The following PHF21B variants were observed in gnomAD, a reference collection of about 807,000 sequenced individuals.
PHF21B encodes the protein PHD finger protein 4.
PHF21B carries 22 observed loss-of-function variants against 62.2 expected under a neutral mutation model. That is an observed-to-expected ratio of 0.35 (90% CI 0.25 to 0.51). The LOEUF (loss-of-function observed/expected upper bound fraction) is 0.51. Among genes scored for constraint, PHF21B ranks in the 20% least tolerant of loss-of-function variants. The pLI is 0.97. For synonymous variants in PHF21B, 341 were observed against 314.7 expected, an observed-to-expected ratio of 1.08 and a Z score of -0.88; for missense variants, 701 against 707.9, an observed-to-expected ratio of 0.99 and a Z score of 0.11.
intron 2 of PHF21B, among the ~76,000 whole-genome samples, chr22:44,957,541 CCT>C (rs1247853800): frequency 1.3e-5 from 2 of 152,106 alleles, no homozygotes; most frequent in Non-Finnish European, 1.5e-5. Context: ...AATAGTCAGC[CCT>C]CTCTTTCTTC....
Position 45,007,098 on chromosome 22 carries a change from G to C in PHF21B, c.120+1447C>G, listed in dbSNP as rs1184665091. On this transcript the variant is annotated intron_variant, in intron 2 of 12. Coordinates refer to ENST00000313237, the MANE Select transcript of PHF21B (RefSeq NM_138415.5). ...CACTCCCGGACGGGGGCGCGCGGCC[G>C]GGGGCGGGGGGGCCGCGGCACCAAC... is the stretch of plus-strand genomic sequence containing the variant. Among the ~76,000 whole-genome samples the C allele has an allele frequency of 3.3e-5, 5 of 151,436 alleles. No homozygotes were observed. In the East Asian group the frequency reaches 9.8e-4, roughly 30 times the overall value.
At chr22:44,949,192 T>C (rs1287410567) in intron 2 of PHF21B, among the ~76,000 whole-genome samples, 1 of 151,424 alleles carries the variant, frequency 6.6e-6, no homozygotes, top group Non-Finnish European at 1.5e-5. Flanking sequence ...TCCCAGATAC[T>C]TGGGAGGCTG....
At chr22:44,968,106 C>G (rs779212806) in intron 2 of PHF21B, among the ~76,000 whole-genome samples, 1 of 152,130 alleles carries the variant, frequency 6.6e-6, no homozygotes, top group Non-Finnish European at 1.5e-5. Context: ...TTACTTCCTT[C>G]CTTCCACACT....
At position 44,881,892 on chromosome 22, in the gene PHF21B, C is replaced by T. The variant is rs533199417; in HGVS notation, c.*1194G>A. 3.2e-3 allele frequency: 40 copies of T among 12,482 alleles called. No homozygotes were observed. Among genetic ancestry groups the T allele is most frequent in the African/African-American group, 0.015 (39 of 2,650 alleles). 0.8% of individuals were successfully genotyped at this position (12,482 alleles called of 1,614,324 possible). On this transcript the variant is annotated 3_prime_UTR_variant, in exon 13 of 13. Transcript: ENST00000313237. ...GGCAGCAAGTCTGGTCCCCGAAGGC[C>T]GGAACCTCCCGAGCCACCGCCCTTT...
chr22:44,951,305 G>A (rs1480964040), intron 2 of PHF21B, among the ~76,000 whole-genome samples: 1 of 152,166 alleles, frequency 6.6e-6, no homozygotes, highest in Non-Finnish European at 1.5e-5. Flanking sequence ...CTTGCATGCA[G>A]AGTTCACAAT....
intron 5 of PHF21B, among the ~76,000 whole-genome samples, chr22:44,913,061 C>G (rs1263907229): frequency 2.0e-5 from 3 of 152,140 alleles, no homozygotes; most frequent in African/African-American, 7.2e-5. Context: ...CCTGAGTCAG[C>G]TGCTGTCCCC....
At chr22:44,972,369 T>A (rs1291532074) in intron 2 of PHF21B, among the ~76,000 whole-genome samples, 2 of 152,252 alleles carry the variant, frequency 1.3e-5, no homozygotes, top group Non-Finnish European at 2.9e-5. Context: ...TGCATTTTCA[T>A]CATTTTGTTA....
chr22:44,943,573 C>A (rs997342460), intron 2 of PHF21B, among the ~76,000 whole-genome samples: 7 of 152,166 alleles, frequency 4.6e-5, no homozygotes, highest in Non-Finnish European at 7.4e-5. Flanking sequence ...CCAGGCCCCG[C>A]GGGCTCTAGA....
intron 2 of PHF21B, among the ~76,000 whole-genome samples, chr22:44,942,406 G>A (rs898358139): frequency 2.6e-5 from 4 of 152,132 alleles, no homozygotes; most frequent in African/African-American, 4.8e-5. Flanking sequence ...CAGGGATCTC[G>A]CCAATTCCTG....
intron 2 of PHF21B, among the ~76,000 whole-genome samples, chr22:44,939,814 C>T (rs1270672731): frequency 1.3e-5 from 2 of 152,116 alleles, no homozygotes; most frequent in African/African-American, 4.8e-5. Context: ...AGTCCAGGAG[C>T]TGCCCAGTAA....
chr22:44,969,497 C>G (rs1569263320), intron 2 of PHF21B, among the ~76,000 whole-genome samples: 1 of 152,132 alleles, frequency 6.6e-6, no homozygotes, highest in Non-Finnish European at 1.5e-5. Flanking sequence ...GAAACTCCGT[C>G]TCTACTAAAA....
At chr22:44,926,024 G>T (rs1393810962) in intron 2 of PHF21B, among the ~76,000 whole-genome samples, 2 of 152,386 alleles carry the variant, frequency 1.3e-5, no homozygotes, top group East Asian at 3.9e-4. Context: ...GAGTAAGCAA[G>T]CCCTGTGGTG....
chr22:44,907,780 A>T (rs2071277106), intron 5 of PHF21B, among the ~76,000 whole-genome samples: 1 of 152,218 alleles, frequency 6.6e-6, no homozygotes, highest in African/African-American at 2.4e-5. Flanking sequence ...CAGCAAACCT[A>T]GGAAAGTAAG....
At chr22:44,924,571 C>T (rs2071596858) in intron 2 of PHF21B, among the ~76,000 whole-genome samples, 1 of 152,180 alleles carries the variant, frequency 6.6e-6, no homozygotes, top group Non-Finnish European at 1.5e-5. Context: ...CTCTCTCATT[C>T]TCTTTCTCTC....
intron 2 of PHF21B, among the ~76,000 whole-genome samples, chr22:44,970,670 T>C (rs1047951124): frequency 6.6e-6 from 1 of 152,142 alleles, no homozygotes; most frequent in Non-Finnish European, 1.5e-5. Flanking sequence ...GCCGAACTGC[T>C]CTAGCACTGC....
At chr22:44,907,680 T>C (rs1413645360) in intron 5 of PHF21B, among the ~76,000 whole-genome samples, 1 of 152,214 alleles carries the variant, frequency 6.6e-6, no homozygotes, top group Non-Finnish European at 1.5e-5. Context: ...GTTCATTACT[T>C]ACATCTATCC....
At chr22:44,900,703 T>G (rs2071142729) in intron 5 of PHF21B, among the ~76,000 whole-genome samples, 1 of 152,210 alleles carries the variant, frequency 6.6e-6, no homozygotes, top group South Asian at 2.1e-4. Flanking sequence ...CTTGCAGATG[T>G]TACTCTAGCG....
chr22:44,949,310 GAAAAAAA>G (rs950091010), intron 2 of PHF21B, among the ~76,000 whole-genome samples: 1 of 126,812 alleles, frequency 7.9e-6, no homozygotes, highest in Non-Finnish European at 1.5e-5. Flanking sequence ...TCAAAAAAAA[GAAAAAAA>G]AAAAAAAAGA....
At chr22:44,934,257 CCT>C (rs574752326) in intron 2 of PHF21B, among the ~76,000 whole-genome samples, 67 of 152,326 alleles carry the variant, frequency 4.4e-4, no homozygotes, top group African/African-American at 1.6e-3. Flanking sequence ...ACCTGCTTCC[CCT>C]GTCCTGGAGC....
Sources: gnomAD v4.1 joint callset for allele counts (sites outside exome capture counted in the v4.1 genomes callset) on GRCh38, gnomAD v4.1.1 for gene constraint, MANE v1.5 for transcripts, NCBI Gene and HGNC (gene_info 2026-07-23, HGNC 2026-07-21) for gene names.